The following TRIM77 variants were observed in gnomAD, a reference collection of about 807,000 sequenced individuals.
TRIM77 encodes tripartite motif containing 77.
In TRIM77, 23 loss-of-function variants were observed where a neutral mutation model predicts 31.8. The ratio of observed to expected loss-of-function variants is 0.72; its 90% confidence interval spans 0.52 to 1.02. The LOEUF is 1.02. Among genes scored for constraint, TRIM77 ranks in the 50% least tolerant of loss-of-function variants. The pLI is 0.00. For synonymous variants in TRIM77, 159 were observed against 183.1 expected (o/e 0.87, Z 1.06); for missense variants, 446 against 539.2 (o/e 0.83, Z 1.71).
At chr11:89,710,820 C>G in intron 1 of TRIM77, 111 bp downstream of exon 1, 1 of 952,144 alleles carries the variant, frequency 1.1e-6, no homozygotes, top group Non-Finnish European at 1.5e-6. Context: ...ATGCAATAAA[C>G]AAACAGAATT....
At position 89,717,405 on chromosome 11, in the gene TRIM77, T is replaced by A; in HGVS notation, c.886T>A (p.Cys296Ser). 1.3e-6 allele frequency: 2 copies of A among 1,550,970 alleles called. No homozygotes were observed. The highest frequency in any genetic ancestry group is 1.7e-6 in the Non-Finnish European group (2 of 1,146,628). The change falls in exon 6 of 6, where the codon TGC becomes AGC. Residue 296 changes from cysteine to serine, a missense_variant. Cys to Ser is a moderately radical substitution (Grantham distance 112). Transcript: ENST00000398290. ...RVYITLDRKI[C>S]SNHKLLFEDL... ...GTATATCACCTTGGATCGTAAGATATGCAGTAATCACAAGCTTCTGTTCGA... is the reference window on the plus strand; with the variant it reads ...GTATATCACCTTGGATCGTAAGATAAGCAGTAATCACAAGCTTCTGTTCGA...
At position 89,717,528 on chromosome 11, in the gene TRIM77, A is replaced by G. The variant is rs1383519489; in HGVS notation, c.1009A>G (p.Ser337Gly). ...YTSSWGAQIL[S>G]SGKHYWEVDV... is the part of the protein sequence containing the mutation. Reference sequence around the variant, plus strand: ...TTCTTCATGGGGAGCTCAGATCCTCAGCTCTGGCAAACATTACTGGGAGGT... The same window carrying G: ...TTCTTCATGGGGAGCTCAGATCCTCGGCTCTGGCAAACATTACTGGGAGGT... The change falls in exon 6 of 6, where the codon AGC (serine) becomes GGC (glycine). Residue 337 changes from serine (S) to glycine (G), a missense_variant. By Grantham distance (56) the Ser-to-Gly change is moderately conservative. Transcript: ENST00000398290. 1.9e-6 allele frequency: 3 copies of G among 1,551,478 alleles called. No individual in the cohort carries two copies.
At chr11:89,712,945 T>G (rs1949132164) in intron 2 of TRIM77, among the ~76,000 whole-genome samples, 1 of 152,070 alleles carries the variant, frequency 6.6e-6, no homozygotes, top group East Asian at 1.9e-4. Context: ...TTGCACGTAT[T>G]TAAAGGTGGT....
chr11:89,716,361 A>C (rs1292222561), intron 5 of TRIM77, among the ~76,000 whole-genome samples: 2 of 152,190 alleles, frequency 1.3e-5, no homozygotes, highest in Admixed American at 1.3e-4. Flanking sequence ...AATTCTTAGA[A>C]ATATCTTAAT....
At chr11:89,713,303 T>C (rs1429082491) in intron 2 of TRIM77, among the ~76,000 whole-genome samples, 1 of 140,948 alleles carries the variant, frequency 7.1e-6, no homozygotes, top group African/African-American at 2.6e-5. Flanking sequence ...AAAAAAGTAA[T>C]TGAGTAGCCT....
chr11:89,715,662 T>C (rs547580401), intron 4 of TRIM77, among the ~76,000 whole-genome samples: 1 of 152,258 alleles, frequency 6.6e-6, no homozygotes, highest in South Asian at 2.1e-4. Context: ...GCTGTGAAGG[T>C]GAGAACTGAT....
At chr11:89,712,943 A>T (rs1949132140) in intron 2 of TRIM77, among the ~76,000 whole-genome samples, 1 of 152,112 alleles carries the variant, frequency 6.6e-6, no homozygotes, top group Non-Finnish European at 1.5e-5. Context: ...ATTTGCACGT[A>T]TTTAAAGGTG....
intron 2 of TRIM77, among the ~76,000 whole-genome samples, chr11:89,713,528 G>T (rs1020807085): frequency 3.4e-5 from 5 of 149,252 alleles, no homozygotes; most frequent in African/African-American, 1.2e-4. Flanking sequence ...GAGAGATGGG[G>T]GAAATAAAGA....
At chr11:89,715,854 G>A (rs1322826026) in intron 4 of TRIM77, 36 bp from the exon 5 acceptor site, 18 of 1,388,752 alleles carry the variant, frequency 1.3e-5, no homozygotes, top group Non-Finnish European at 1.8e-5. Flanking sequence ...GATTCCTTTG[G>A]GACTGGTAAT....
intron 5 of TRIM77, 29 bp from the exon 6 acceptor site, chr11:89,717,350 T>G: frequency 6.7e-7 from 1 of 1,503,192 alleles, no homozygotes; most frequent in Non-Finnish European, 8.9e-7. Flanking sequence ...AAACTGTTTT[T>G]TTGCATTCAC....
rs1271536799 is a variant in TRIM77 at position 89,717,494 on chromosome 11, A to C, written c.975A>C (p.Thr325=). 6.4e-7 allele frequency: 1 copy of C among 1,551,606 alleles called. No individual in the cohort carries two copies. Among genetic ancestry groups the C allele is most frequent in the Admixed American group, 2.0e-5 (1 of 50,998 alleles). Residue 325 remains threonine, a synonymous_variant, in exon 6 of 6, where the codon ACA becomes ACC. Coordinates refer to ENST00000398290, the MANE Select transcript of TRIM77 (RefSeq NM_001146162.1). ...ACATGTCCTGTAATCCAACAAGTAC[A>C]CAGTATACTTCTTCATGGGGAGCTC... ...DTDMSCNPTS[T]QYTSSWGAQI...
At chr11:89,712,469 C>T (rs11018747) in intron 2 of TRIM77, among the ~76,000 whole-genome samples, 16,703 of 151,984 alleles carry the variant, frequency 0.11, 1,210 homozygotes, top group Admixed American at 0.24. Flanking sequence ...AAATAATGTT[C>T]GTGAAGTGCT....
rs1327898302 is a variant in TRIM77, at chr11:89,717,430, A to G, written c.911A>G (p.Glu304Gly). The change falls in exon 6 of 6, where the codon GAA (glutamate) becomes GGA (glycine). Residue 304 changes from glutamate (E) to glycine (G), a missense_variant. Glu to Gly is a moderately conservative substitution (Grantham distance 98). Around this residue, in one of 3 missense-constraint regions of TRIM77, gnomAD observed 366 missense variants for 447.9 expected, o/e 0.82. Transcript: ENST00000398290. ...KICSNHKLLF[E>G]DLRHLQCSLD... Reference sequence around the variant, plus strand: ...TGCAGTAATCACAAGCTTCTGTTCGAAGACCTAAGGCATTTGCAGTGCAGC... The same window carrying G: ...TGCAGTAATCACAAGCTTCTGTTCGGAGACCTAAGGCATTTGCAGTGCAGC... 6.4e-7 allele frequency: 1 copy of G among 1,551,418 alleles called. No individual in the cohort carries two copies. The highest frequency in any genetic ancestry group is 1.4e-5 in the African/African-American group (1 of 73,130).
In TRIM77 at chr11:89,714,242, G is replaced by C; in HGVS notation, c.558G>C (p.Val186=). The C allele has an allele frequency of 6.4e-7, 1 of 1,551,700 alleles. No homozygotes were observed. Among genetic ancestry groups the C allele is most frequent in the Non-Finnish European group, 8.7e-7 (1 of 1,146,988 alleles). Residue 186 remains valine, a synonymous_variant, in exon 3 of 6, where the codon GTG becomes GTC. Transcript: ENST00000398290. The part of the protein sequence containing the change: ...SMMISAEYPK[V]CQYLREEEQK... Reference sequence around the variant, plus strand: ...TGATCAGTGCTGAATATCCTAAGGTGTGTCAATACCTCCGTGAAGAAGAGC... The same window carrying C: ...TGATCAGTGCTGAATATCCTAAGGTCTGTCAATACCTCCGTGAAGAAGAGC...
At chr11:89,715,772 T>A (rs1821222611) in intron 4 of TRIM77, 118 bp from the exon 5 acceptor site, 2 of 614,472 alleles carry the variant, frequency 3.3e-6, no homozygotes, top group African/African-American at 3.7e-5. Flanking sequence ...TTCTTAGTTC[T>A]TGAGTTCAAG....
chr11:89,713,782 A>G (rs1949141254), intron 2 of TRIM77, among the ~76,000 whole-genome samples: 1 of 152,122 alleles, frequency 6.6e-6, no homozygotes, highest in Non-Finnish European at 1.5e-5. Flanking sequence ...AGTGTTTTGG[A>G]AATGGAAGTA....
chr11:89,717,811 G>A lies in TRIM77; in HGVS notation c.1292G>A (p.Ser431Asn). The change falls in exon 6 of 6, where the codon AGT becomes AAT. Residue 431 changes from serine (S) to asparagine (N), a missense_variant. By Grantham distance (46) the Ser-to-Asn change is conservative (BLOSUM62 1). Transcript: ENST00000398290. ...VNVAQSSLIC[S>N]FLSRIFYFPL... ...GTTGCCCAAAGTTCCCTCATTTGTA[G>A]TTTCCTCTCACGCATCTTCTATTTT... 1 of 1,550,628 alleles carries A rather than the reference G, an allele frequency of 6.4e-7. No individual in the cohort carries two copies. The highest frequency in any genetic ancestry group is 8.7e-7 in the Non-Finnish European group (1 of 1,146,414).
rs1194156128 is a variant in TRIM77 at position 89,713,658 on chromosome 11, C to T, written c.508-534C>T. Among the ~76,000 whole-genome samples, 5 of 151,692 alleles carry T rather than the reference C, an allele frequency of 3.3e-5. 1 individual carries two copies. Among genetic ancestry groups the T allele is most frequent in the South Asian group, 4.2e-4 (2 of 4,804 alleles). On this transcript the variant is annotated intron_variant, in intron 2 of 5. Transcript: ENST00000398290. ...ATAGGGACAGAGACAGGAAGACAGACGCAGGCAGAAGGAAAGAATGAACAT... is the reference window on the plus strand; with the variant it reads ...ATAGGGACAGAGACAGGAAGACAGATGCAGGCAGAAGGAAAGAATGAACAT...
intron 5 of TRIM77, among the ~76,000 whole-genome samples, chr11:89,716,555 G>T (rs1949161975): frequency 6.6e-6 from 1 of 152,140 alleles, no homozygotes; most frequent in Non-Finnish European, 1.5e-5. Context: ...GGTGAGTCTG[G>T]CATATAGAAG....
Sources: gnomAD v4.1 joint callset for allele counts (sites outside exome capture counted in the v4.1 genomes callset) on GRCh38, gnomAD v4.1.1 for gene constraint, gnomAD v4.1.1 regional missense constraint, MANE v1.5 for transcripts, NCBI Gene and HGNC (gene_info 2026-07-23, HGNC 2026-07-21) for gene names.